The following SLC28A1 variants were observed in gnomAD, a reference collection of about 807,000 sequenced individuals.
SLC28A1 encodes the protein sodium/nucleoside cotransporter 1.
In SLC28A1, 64 loss-of-function variants were observed where a neutral mutation model predicts 74.8. The observed-to-expected ratio is 0.86, with a 90% CI of 0.70 to 1.05. The LOEUF is 1.05. Among genes scored for constraint, SLC28A1 ranks in the 50% least tolerant of loss-of-function variants. The probability of loss-of-function intolerance (pLI) is 0.00; values close to 1 mark genes in which losing one functional copy is unlikely to be tolerated. For synonymous variants in SLC28A1, 359 were observed against 335.0 expected (o/e 1.07, Z -0.78); for missense variants, 828 against 822.8 (o/e 1.01, Z -0.08).
At chr15:84,914,693 C>T (rs1394025751) in intron 9 of SLC28A1, among the ~76,000 whole-genome samples, 7 of 152,234 alleles carry the variant, frequency 4.6e-5, no homozygotes, top group Admixed American at 2.0e-4. Context: ...TTTAATGGCA[C>T]TTGCCTCCCC....
At chr15:84,973,890 C>T in the SLC28A1 span, among the ~76,000 whole-genome samples, 83 of 152,248 alleles carry the variant, frequency 5.5e-4, 1 homozygote, top group East Asian at 0.013. Flanking sequence ...CTTTTCCAGC[C>T]GCACCACCAT....
At chr15:84,933,093 G>A (rs1017693885) in intron 12 of SLC28A1, 52 bp from the exon 13 acceptor site, 18 of 1,605,488 alleles carry the variant, frequency 1.1e-5, no homozygotes, top group Middle Eastern at 3.3e-4. Flanking sequence ...CTCCTTGGTC[G>A]CCAGCATTTC....
At chr15:84,895,430 A>G (rs761148676) in intron 6 of SLC28A1, 14 of 1,613,832 alleles carry the variant, frequency 8.7e-6, no homozygotes, top group Non-Finnish European at 1.2e-5. Flanking sequence ...CCCTCAGATC[A>G]CCTGGACAGT....
chr15:84,898,129 CTT>C (rs71135316), intron 6 of SLC28A1, among the ~76,000 whole-genome samples: 34,418 of 147,502 alleles, frequency 0.23, 4,517 homozygotes, highest in South Asian at 0.49. Context: ...TATTGATTTC[CTT>C]TTTTTTTTTT....
At chr15:84,966,421 G>A in the SLC28A1 span, among the ~76,000 whole-genome samples, 1 of 152,118 alleles carries the variant, frequency 6.6e-6, no homozygotes, top group Non-Finnish European at 1.5e-5. Context: ...GCTGGTGTGT[G>A]CAATGGCATG....
At position 84,918,621 on chromosome 15, in the gene SLC28A1, C is replaced by T; in HGVS notation, c.876+17C>T. 6.3e-7 allele frequency: 1 copy of T among 1,581,116 alleles called. No homozygotes were observed. Among genetic ancestry groups the T allele is most frequent in the Non-Finnish European group, 8.7e-7 (1 of 1,150,186 alleles). ...ATCCTGAAGGTAAGTTCCCAGTGCC[C>T]ATGGCCAGGGCTCTCCCAGAGTCAC... On this transcript the variant is annotated intron_variant, in intron 10 of 18. Transcript: ENST00000394573.
intron 12 of SLC28A1, 126 bp downstream of exon 12, chr15:84,924,236 G>T: frequency 8.5e-7 from 1 of 1,180,634 alleles, no homozygotes; most frequent in Non-Finnish European, 1.2e-6. Flanking sequence ...GTGCTGGCAA[G>T]AGGAGTGGCT....
Position 84,917,051 on chromosome 15 carries a change from A to G in SLC28A1, c.796-1473A>G, listed in dbSNP as rs1183655270. Among the ~76,000 whole-genome samples, 4 of 147,392 alleles carry G rather than the reference A, an allele frequency of 2.7e-5. 1 individual carries two copies. The highest frequency in any genetic ancestry group is 4.4e-4 in the South Asian group (2 of 4,564). ...TCAAAAAAAAAAAAATAAATAAAAAAGGTAGGAACAGATGAGAAATTCAGA... is the reference window on the plus strand; with the variant it reads ...TCAAAAAAAAAAAAATAAATAAAAAGGGTAGGAACAGATGAGAAATTCAGA... On this transcript the variant is annotated intron_variant, in intron 9 of 18. Transcript: ENST00000394573.
At chr15:84,935,605 C>T (rs1007698808) in intron 15 of SLC28A1, 87 bp downstream of exon 15, 1 of 1,140,992 alleles carries the variant, frequency 8.8e-7, no homozygotes, top group African/African-American at 1.5e-5. Context: ...CTCCCGCTCC[C>T]TGGGCCTGGC....
At chr15:84,943,133 C>T (rs1024297534) in intron 15 of SLC28A1, among the ~76,000 whole-genome samples, 13 of 152,162 alleles carry the variant, frequency 8.5e-5, no homozygotes, top group African/African-American at 2.9e-4. Context: ...TTGCAGTGGG[C>T]TGAGATTGTG....
At chr15:84,895,334 A>G in intron 6 of SLC28A1, 1 of 1,613,200 alleles carries the variant, frequency 6.2e-7, no homozygotes, top group Non-Finnish European at 8.5e-7. Context: ...ACAGCAGGTG[A>G]CTGTGGTGGA....
At chr15:84,907,979 T>C (rs1008843880) in intron 8 of SLC28A1, among the ~76,000 whole-genome samples, 1 of 152,100 alleles carries the variant, frequency 6.6e-6, no homozygotes, top group Non-Finnish European at 1.5e-5. Flanking sequence ...GTTCAGGATA[T>C]AACACAGGTC....
chr15:84,969,970 C>G, the SLC28A1 span, among the ~76,000 whole-genome samples: 1 of 152,200 alleles, frequency 6.6e-6, no homozygotes, highest in Non-Finnish European at 1.5e-5. Context: ...AAGTACAATG[C>G]TTCTGGCTGC....
intron 15 of SLC28A1, 74 bp downstream of exon 15, chr15:84,935,592 G>T: frequency 3.9e-6 from 5 of 1,290,618 alleles, no homozygotes; most frequent in East Asian, 2.3e-5. Context: ...CCTGGCAGCT[G>T]CTCTCCCGCT....
At chr15:84,937,378 G>A (rs1006132173) in intron 15 of SLC28A1, among the ~76,000 whole-genome samples, 4 of 152,170 alleles carry the variant, frequency 2.6e-5, no homozygotes, top group Non-Finnish European at 5.9e-5. Context: ...TGCAGCAGCT[G>A]AAATCAGCAG....
chr15:84,944,845 T>G lies in SLC28A1; in HGVS notation c.1852T>G (p.Cys618Gly). 6.2e-7 allele frequency: 1 copy of G among 1,613,566 alleles called. No homozygotes were observed. The highest frequency in any genetic ancestry group is 8.5e-7 in the Non-Finnish European group (1 of 1,179,538). ...CAGCAGTAGCTTTGAGATTTACCAG[T>G]GCTGCCGTGAGGCCTTCCAGAGGTG... is the stretch of plus-strand genomic sequence containing the variant. Reference protein sequence around the residue: ...LSSSSFEIYQCCREAFQSVNP... With the variant: ...LSSSSFEIYQGCREAFQSVNP... The change falls in exon 18 of 19, where the codon TGC (cysteine) becomes GGC (glycine). Residue 618 changes from cysteine (C) to glycine (G), a missense_variant. Physicochemically the swap from Cys to Gly is radical, Grantham distance 159. This residue lies in a region of SLC28A1 where 53 missense variants were observed against 44.5 expected (regional missense o/e 1.19). Coordinates refer to ENST00000394573, the MANE Select transcript of SLC28A1 (RefSeq NM_004213.5).
At position 84,932,103 on chromosome 15, in the gene SLC28A1, G is replaced by A. The variant is rs1448785507; in HGVS notation, c.1084-1042G>A. ...GTGTATTTCTTTCTAATCTTTTCAT[G>A]CGCCATTTTGGAGTTTGTTTCCCCA... On this transcript the variant is annotated intron_variant, in intron 12 of 18. Transcript: ENST00000394573. 2.6e-5 allele frequency among the ~76,000 whole-genome samples: 4 copies of A among 152,238 alleles called. No individual in the cohort carries two copies. The East Asian group carries it at 7.7e-4, about 29-fold the overall frequency.
intron 5 of SLC28A1, 66 bp from the exon 6 acceptor site, chr15:84,894,874 C>T (rs879196902): frequency 9.3e-6 from 14 of 1,510,024 alleles, no homozygotes; most frequent in Middle Eastern, 1.7e-4. Flanking sequence ...AGTCCGCGGG[C>T]GGGGCTGCAG....
chr15:84,938,036 C>A (rs2142026677), intron 15 of SLC28A1, among the ~76,000 whole-genome samples: 1 of 152,178 alleles, frequency 6.6e-6, no homozygotes, highest in South Asian at 2.1e-4. Context: ...CCCGTCTCTA[C>A]TAAAACTACA....
Sources: allele counts gnomAD v4.1 joint callset (sites outside exome capture counted in the v4.1 genomes callset), GRCh38; gene constraint gnomAD v4.1.1; regional missense constraint gnomAD v4.1.1; transcripts MANE v1.5; gene names NCBI Gene and HGNC (gene_info 2026-07-23, HGNC 2026-07-21).